Variants in U2AF1L4 observed in about 807,000 individuals in gnomAD.
The protein encoded by U2AF1L4 is splicing factor U2AF 26 kDa subunit.
In U2AF1L4, 21 loss-of-function variants were observed where a neutral mutation model predicts 21.7. The observed-to-expected ratio is 0.97, with a 90% confidence interval of 0.69 to 1.39. U2AF1L4 has a LOEUF of 1.39. Ranked by LOEUF, U2AF1L4 falls within the 40% of genes most tolerant of loss-of-function variation. The pLI, the probability that U2AF1L4 is intolerant of heterozygous loss-of-function variation, is 0.00. For missense variants in U2AF1L4, 259 were observed against 245.7 expected (o/e 1.05, Z -0.36); for synonymous variants, 92 against 89.7 (o/e 1.03, Z -0.15).
Position 35,744,359 on chromosome 19 carries a change from G to A in U2AF1L4, c.195C>T (p.Asn65=). ...GEIEEMNVCD[N]LGDHLVGNVY... ...CGTTGCCCACGAGGTGGTCCCCAAG[G>A]TTGTCGCACACATTCATCTCTTCAA... is the stretch of plus-strand genomic sequence containing the variant. Residue 65 remains asparagine, a synonymous_variant, in exon 3 of 6, where the codon AAC becomes AAT. Transcript: ENST00000378975. The A allele has an allele frequency of 6.2e-7, 1 of 1,614,146 alleles. No homozygotes were observed. The highest frequency in any genetic ancestry group is 8.5e-7 in the Non-Finnish European group (1 of 1,180,038).
intron 2 of U2AF1L4, 145 bp downstream of exon 2, chr19:35,744,980 G>T: frequency 1.2e-6 from 1 of 819,704 alleles, no homozygotes; most frequent in Non-Finnish European, 1.9e-6. Flanking sequence ...GGTGGGAGGA[G>T]CCTGCAGAAA....
chr19:35,743,730 T>G, intron 5 of U2AF1L4, 79 bp downstream of exon 5: 1 of 1,099,610 alleles, frequency 9.1e-7, no homozygotes, highest in Non-Finnish European at 1.3e-6. Context: ...ACGTGGTTAC[T>G]GGGGCTTAGG....
Position 35,744,036 on chromosome 19 carries a change from G to A in U2AF1L4, c.341C>T (p.Ser114Leu), listed in dbSNP as rs1970427707. The A allele has an allele frequency of 6.2e-7, 1 of 1,613,910 alleles. No individual in the cohort carries two copies. Among genetic ancestry groups the A allele is most frequent in the Admixed American group, 1.7e-5 (1 of 59,996 alleles). The stretch of plus-strand genomic sequence containing the variant: ...CCCCATCTCATACTGGCGACAGCAT[G>A]ACTCCCGGAAGTCAGTGACAGGAGA... ...ELSPVTDFRESCCRQYEMGEC... is the reference protein window; with the variant it reads ...ELSPVTDFRELCCRQYEMGEC... Residue 114 changes from serine (S) to leucine (L), a missense_variant, in exon 4 of 6, where the codon TCA (serine) becomes TTA (leucine). Ser to Leu is a moderately radical substitution (Grantham distance 145). Transcript: ENST00000378975.
Position 35,745,229 on chromosome 19 carries a change from G to C in U2AF1L4, c.45-17C>G. 1 of 1,612,604 alleles carries C rather than the reference G, an allele frequency of 6.2e-7. No homozygotes were observed. The highest frequency in any genetic ancestry group is 8.5e-7 in the Non-Finnish European group (1 of 1,179,268). ...CAGTTAACCCTGGAAAAGGTGCAAA[G>C]ACAAAGGTGAACCGAGGGCCGGGGA... On this transcript the variant is annotated splice_polypyrimidine_tract_variant and intron_variant, in intron 1 of 5. Coordinates refer to ENST00000378975, the MANE Select transcript of U2AF1L4 (RefSeq NM_001040425.3).
At chr19:35,742,843 G>T (rs1429524837) in intron 5 of U2AF1L4, 40 bp from the exon 6 acceptor site, 1 of 1,576,328 alleles carries the variant, frequency 6.3e-7, no homozygotes, top group Middle Eastern at 1.8e-4. Context: ...AGAACCCTGA[G>T]GAGTGGTGCA....
chr19:35,744,504 T>C, intron 2 of U2AF1L4, 83 bp from the exon 3 acceptor site: 1 of 1,608,930 alleles, frequency 6.2e-7, no homozygotes, highest in Non-Finnish European at 8.5e-7. Context: ...GAAGAAGCTA[T>C]CATAGTGCTC....
In U2AF1L4 at chr19:35,745,328, CT is replaced by C. The variant is rs1438513425; in HGVS notation, c.44+19del. On this transcript the variant is annotated intron_variant, in intron 1 of 5. Transcript: ENST00000378975. ...CCGGCCCCGACCCCCCGAGAGTCCA[CT>C]CCCAGCGCCCGTTCTCACTTGTCCT... 14 of 1,607,134 alleles carry C rather than the reference CT, an allele frequency of 8.7e-6. No individual in the cohort carries two copies. Among genetic ancestry groups the C allele is most frequent in the Non-Finnish European group, 1.2e-5 (14 of 1,173,824 alleles).
chr19:35,744,712 G>C, intron 2 of U2AF1L4: 1 of 1,536,100 alleles, frequency 6.5e-7, no homozygotes, highest in Non-Finnish European at 8.7e-7. Flanking sequence ...ATTTAAAAGG[G>C]GCGGGGCCTG....
Position 35,743,827 on chromosome 19 carries a change from C to A in U2AF1L4, c.443G>T (p.Gly148Val). The stretch of plus-strand genomic sequence containing the variant: ...GAGGTACCTGCGCCTGGGTCCCCGC[C>A]CATAGAGCTGCCTCTGGAGGTTCTG... ...ISQNLQRQLY[G>V]RGPRRRSPPR... Residue 148 changes from glycine to valine, a missense_variant, in exon 5 of 6, where the codon GGG becomes GTG. Coordinates refer to ENST00000378975, the MANE Select transcript of U2AF1L4 (RefSeq NM_001040425.3). 2.5e-6 allele frequency: 4 copies of A among 1,612,406 alleles called. No individual in the cohort carries two copies. The highest frequency in any genetic ancestry group is 3.4e-6 in the Non-Finnish European group (4 of 1,179,282).
chr19:35,744,667 C>T (rs1970479654), intron 2 of U2AF1L4: 1 of 1,536,194 alleles, frequency 6.5e-7, no homozygotes, highest in African/African-American at 1.4e-5. Flanking sequence ...CTGTGGATTC[C>T]GGTACAGGTT....
At chr19:35,744,688 A>T (rs144788438) in intron 2 of U2AF1L4, 53 of 1,536,120 alleles carry the variant, frequency 3.5e-5, no homozygotes, top group Middle Eastern at 1.7e-4. Flanking sequence ...GAGCAGCACT[A>T]TGGTCTGCAC....
At chr19:35,743,241 C>G in intron 5 of U2AF1L4, 1 of 281,670 alleles carries the variant, frequency 3.6e-6, no homozygotes. Context: ...GGCATGGTGG[C>G]AGGTGCCTAT....
rs1599731349 is a variant in U2AF1L4 at position 35,745,183 on chromosome 19, C to T, written c.74G>A (p.Gly25Glu). The change falls in exon 2 of 6, where the codon GGG becomes GAG. Residue 25 changes from glycine (G) to glutamate (E), a missense_variant. Transcript: ENST00000378975. ...KVNCSFYFKI[G>E]VCRHGDRCSR... ...GCACCGGTCCCCGTGCCGGCAGACCCCGATCTTAAAGTAAAAAGAGCAGTT... is the reference window on the plus strand; with the variant it reads ...GCACCGGTCCCCGTGCCGGCAGACCTCGATCTTAAAGTAAAAAGAGCAGTT... 5.0e-6 allele frequency: 8 copies of T among 1,613,724 alleles called. No homozygotes were observed. The East Asian group carries it at 1.8e-4, about 36-fold the overall frequency.
intron 2 of U2AF1L4, chr19:35,744,898 A>T (rs1970495025): frequency 4.1e-6 from 3 of 728,108 alleles, no homozygotes. Flanking sequence ...ACTGGCAAAG[A>T]TGAACAGCCG....
intron 3 of U2AF1L4, 71 bp downstream of exon 3, chr19:35,744,252 A>C: frequency 1.2e-6 from 2 of 1,607,362 alleles, no homozygotes; most frequent in South Asian, 2.2e-5. Context: ...TCAAGCTGAG[A>C]GCCTACAGTG....
chr19:35,743,797 G>C lies in U2AF1L4; in HGVS notation c.461+12C>G. 1 of 1,603,710 alleles carries C rather than the reference G, an allele frequency of 6.2e-7. No homozygotes were observed. Among genetic ancestry groups the C allele is most frequent in the South Asian group, 1.1e-5 (1 of 89,414 alleles). ...GGACATGAGGAGACATAGCAGGCTGGTCCTGAGGTACCTGCGCCTGGGTCC... is the reference window on the plus strand; with the variant it reads ...GGACATGAGGAGACATAGCAGGCTGCTCCTGAGGTACCTGCGCCTGGGTCC... On this transcript the variant is annotated intron_variant, in intron 5 of 5. Coordinates refer to ENST00000378975, the MANE Select transcript of U2AF1L4 (RefSeq NM_001040425.3).
intron 5 of U2AF1L4, chr19:35,743,161 T>C (rs1970350090): frequency 3.2e-6 from 1 of 313,062 alleles, no homozygotes; most frequent in Non-Finnish European, 6.0e-6. Context: ...TTACCTGAGG[T>C]CCGGAGTTCG....
At chr19:35,743,368 C>T (rs1229173818) in intron 5 of U2AF1L4, 9 of 145,386 alleles carry the variant, frequency 6.2e-5, no homozygotes, top group African/African-American at 1.1e-4. Context: ...AGCAAAACTC[C>T]GTCTCAAAAA....
chr19:35,743,920 A>G lies in U2AF1L4; in HGVS notation c.366-16T>C. ...GGTACATTCCCTGCATAGAGGGTAG[A>G]GAGATGGAGGAAGCCATTGTCACTG... On this transcript the variant is annotated splice_polypyrimidine_tract_variant and intron_variant, in intron 4 of 5. Transcript: ENST00000378975. 6.2e-7 allele frequency: 1 copy of G among 1,611,246 alleles called. No individual in the cohort carries two copies. The highest frequency in any genetic ancestry group is 8.5e-7 in the Non-Finnish European group (1 of 1,177,726).
Sources: allele counts gnomAD v4.1 joint callset, GRCh38; gene constraint gnomAD v4.1.1; transcripts MANE v1.5; gene names NCBI Gene and HGNC (gene_info 2026-07-23, HGNC 2026-07-21).